The following OSBPL1A variants were observed in gnomAD, a reference collection of about 807,000 sequenced individuals.
OSBPL1A encodes the protein oxysterol binding protein like 1A, also known as oxysterol-binding protein-related protein 1.
A neutral mutation model predicts 137.1 loss-of-function variants in OSBPL1A; 80 were observed. The observed-to-expected ratio is 0.58, with a 90% CI of 0.49 to 0.70. The LOEUF is 0.70. Ranked by LOEUF, OSBPL1A falls within the 30% of genes least tolerant of loss-of-function variation. The pLI is 0.00. For missense variants in OSBPL1A, 970 were observed against 1,129.4 expected (o/e 0.86, Z 2.02); for synonymous variants, 365 against 389.7 (o/e 0.94, Z 0.75).
chr18:24,383,465 T>C (rs1906749071), intron 1 of OSBPL1A, among the ~76,000 whole-genome samples: 1 of 152,138 alleles, frequency 6.6e-6, no homozygotes, highest in African/African-American at 2.4e-5. Flanking sequence ...AGGATAAAAA[T>C]AAATCTATTG....
At chr18:24,236,814 T>C (rs1048193853) in intron 16 of OSBPL1A, among the ~76,000 whole-genome samples, 2 of 152,164 alleles carry the variant, frequency 1.3e-5, no homozygotes, top group Middle Eastern at 3.2e-3. Context: ...TATTTGCCAA[T>C]CCTGATCTAG....
intron 23 of OSBPL1A, among the ~76,000 whole-genome samples, chr18:24,170,820 A>G (rs1047604472): frequency 6.6e-5 from 10 of 152,108 alleles, no homozygotes; most frequent in Admixed American, 5.2e-4. Context: ...CTAATTAAAA[A>G]GAAGTTTTTT....
At chr18:24,267,153 T>C (rs1427628739) in intron 15 of OSBPL1A, among the ~76,000 whole-genome samples, 1 of 143,394 alleles carries the variant, frequency 7.0e-6, no homozygotes, top group African/African-American at 2.5e-5. Flanking sequence ...CAACCTAAGT[T>C]AAAAAAAAAA....
At position 24,265,034 on chromosome 18, in the gene OSBPL1A, C is replaced by T. The variant is rs7232600; in HGVS notation, c.1281+15808G>A. On this transcript the variant is annotated intron_variant, in intron 15 of 27. Coordinates refer to ENST00000319481, the MANE Select transcript of OSBPL1A (RefSeq NM_080597.4). ...CTTATATACTGGCATCCACATCCTG[C>T]CTCCACTGCCAATAAAACCTCTGAA... 8.7e-3 allele frequency among the ~76,000 whole-genome samples: 1,319 copies of T among 152,314 alleles called. 17 individuals are homozygous for T. Among genetic ancestry groups the T allele is most frequent in the African/African-American group, 0.029 (1,217 of 41,554 alleles).
rs527848888 is a variant in OSBPL1A at position 24,331,947 on chromosome 18, T to C, written c.625+995A>G. On this transcript the variant is annotated intron_variant, in intron 7 of 27. Transcript: ENST00000319481. ...CCCAGTGCTCATTTTCCAGCTGAGG[T>C]AGAAGAAGGTGATGCCTGGCCTTCT... Among the ~76,000 whole-genome samples the C allele has an allele frequency of 2.0e-5, 3 of 152,216 alleles. No homozygotes were observed. In the East Asian group the frequency reaches 5.8e-4, roughly 29 times the overall value.
At chr18:24,312,318 A>G (rs1398697018) in intron 12 of OSBPL1A, among the ~76,000 whole-genome samples, 2 of 152,226 alleles carry the variant, frequency 1.3e-5, no homozygotes, top group African/African-American at 4.8e-5. Flanking sequence ...TTTAAAAAAT[A>G]TCATCTATAA....
At chr18:24,386,843 G>A (rs1165124608) in intron 1 of OSBPL1A, among the ~76,000 whole-genome samples, 2 of 152,006 alleles carry the variant, frequency 1.3e-5, no homozygotes, top group Non-Finnish European at 2.9e-5. Flanking sequence ...CCTGTAGTCA[G>A]TTACTCAGGA....
chr18:24,204,730 T>C (rs1334010828), intron 17 of OSBPL1A, among the ~76,000 whole-genome samples: 4 of 152,154 alleles, frequency 2.6e-5, no homozygotes, highest in Admixed American at 2.6e-4. Flanking sequence ...CTCTATGCCT[T>C]TCACAAACAG....
intron 2 of OSBPL1A, among the ~76,000 whole-genome samples, chr18:24,368,957 C>T (rs150595811): frequency 1.6e-4 from 24 of 152,260 alleles, no homozygotes; most frequent in African/African-American, 5.5e-4. Context: ...TTGCTATTCT[C>T]GTGACAGTGA....
intron 13 of OSBPL1A, among the ~76,000 whole-genome samples, chr18:24,306,141 A>G (rs546341525): frequency 6.6e-6 from 1 of 152,348 alleles, no homozygotes; most frequent in South Asian, 2.1e-4. Flanking sequence ...TGCCCAAGTT[A>G]TCTGGACAAA....
intron 1 of OSBPL1A, among the ~76,000 whole-genome samples, chr18:24,382,820 G>C (rs1366088163): frequency 6.6e-6 from 1 of 152,000 alleles, no homozygotes; most frequent in African/African-American, 2.4e-5. Context: ...AGACTGCAGT[G>C]AGCTGAGATC....
At chr18:24,344,378 G>A (rs533773016) in intron 4 of OSBPL1A, among the ~76,000 whole-genome samples, 9 of 152,254 alleles carry the variant, frequency 5.9e-5, no homozygotes, top group South Asian at 4.1e-4. Flanking sequence ...GCTTGAACCC[G>A]GGAGGCAGAG....
At chr18:24,290,220 C>T (rs2090150986) in intron 14 of OSBPL1A, among the ~76,000 whole-genome samples, 1 of 152,092 alleles carries the variant, frequency 6.6e-6, no homozygotes, top group Admixed American at 6.6e-5. Flanking sequence ...CCGAATAAAA[C>T]AGTAAAATAA....
intron 13 of OSBPL1A, among the ~76,000 whole-genome samples, chr18:24,304,503 A>G (rs2090463876): frequency 6.6e-6 from 1 of 152,190 alleles, no homozygotes; most frequent in African/African-American, 2.4e-5. Flanking sequence ...AAGCAAGAAA[A>G]TTATTATTGT....
intron 18 of OSBPL1A, among the ~76,000 whole-genome samples, chr18:24,187,980 A>G (rs1261864239): frequency 6.6e-6 from 1 of 152,194 alleles, no homozygotes; most frequent in Non-Finnish European, 1.5e-5. Context: ...CCTTTATTGT[A>G]CACAACAGCA....
intron 1 of OSBPL1A, among the ~76,000 whole-genome samples, chr18:24,387,194 AG>A (rs1907010364): frequency 6.6e-6 from 1 of 152,058 alleles, no homozygotes; most frequent in South Asian, 2.1e-4. Context: ...CTGAGACTAC[AG>A]GTGCACACAC....
chr18:24,174,270 G>C (rs2086368473), intron 21 of OSBPL1A, among the ~76,000 whole-genome samples: 1 of 152,164 alleles, frequency 6.6e-6, no homozygotes. Context: ...TGAGTCATGT[G>C]GTAAACATAA....
chr18:24,304,027 TTC>T (rs1218096288), intron 13 of OSBPL1A, among the ~76,000 whole-genome samples: 1 of 152,210 alleles, frequency 6.6e-6, no homozygotes, highest in Non-Finnish European at 1.5e-5. Context: ...GGAATTATAA[TTC>T]TCTGATTTAT....
chr18:24,294,378 C>T (rs1040114976), intron 14 of OSBPL1A, among the ~76,000 whole-genome samples: 1 of 152,028 alleles, frequency 6.6e-6, no homozygotes, highest in African/African-American at 2.4e-5. Context: ...ATTACAGGTA[C>T]CCGCCACCAG....
Sources: allele counts gnomAD v4.1 joint callset (sites outside exome capture counted in the v4.1 genomes callset), GRCh38; gene constraint gnomAD v4.1.1; transcripts MANE v1.5; gene names NCBI Gene and HGNC (gene_info 2026-07-23, HGNC 2026-07-21).